The following TFEC variants were observed in gnomAD, a reference collection of about 807,000 sequenced individuals.
TFEC encodes the protein class E basic helix-loop-helix protein 34.
TFEC carries 31 observed loss-of-function variants against 41.6 expected under a neutral mutation model. The observed-to-expected ratio is 0.74, with a 90% CI of 0.56 to 1.01. TFEC has a LOEUF of 1.01. Among genes scored for constraint, TFEC ranks in the 50% least tolerant of loss-of-function variants. The probability of loss-of-function intolerance (pLI) is 0.00; values close to 1 mark genes in which losing one functional copy is unlikely to be tolerated. For synonymous variants in TFEC, 143 were observed against 140.6 expected, an observed-to-expected ratio of 1.02 and a Z score of -0.12; for missense variants, 402 against 404.1, an observed-to-expected ratio of 0.99 and a Z score of 0.04.
In TFEC at chr7:116,114,764, C is replaced by T. The variant is rs577199052; in HGVS notation, c.-68-2726G>A. On this transcript the variant is annotated intron_variant, in intron 1 of 8. Transcript: ENST00000484212. ...AAATGCAAGAGCGGTAAAAAATTATCAGAGGCTCCCTCGGTTGAGACTGAA... is the reference window on the plus strand; with the variant it reads ...AAATGCAAGAGCGGTAAAAAATTATTAGAGGCTCCCTCGGTTGAGACTGAA... 1.1e-4 allele frequency among the ~76,000 whole-genome samples: 16 copies of T among 152,008 alleles called. No individual in the cohort carries two copies. The South Asian group carries it at 3.3e-3, about 32-fold the overall frequency.
chr7:115,959,758 A>G (rs1267350484), intron 3 of TFEC, among the ~76,000 whole-genome samples: 1 of 151,694 alleles, frequency 6.6e-6, no homozygotes, highest in Non-Finnish European at 1.5e-5. Context: ...GAATAAACGA[A>G]TTGGTAAAAT....
chr7:115,966,871 C>T (rs972416332), intron 3 of TFEC, among the ~76,000 whole-genome samples: 1 of 151,832 alleles, frequency 6.6e-6, no homozygotes, highest in South Asian at 2.1e-4. Flanking sequence ...CAGCACTCCT[C>T]CTCAGGCCAG....
At chr7:116,003,562 C>T (rs1008671885) in intron 1 of TFEC, among the ~76,000 whole-genome samples, 5 of 151,944 alleles carry the variant, frequency 3.3e-5, no homozygotes, top group African/African-American at 1.2e-4. Context: ...TACACTTCTG[C>T]CAGAAATGAT....
chr7:116,015,506 G>C (rs1011443325), intron 1 of TFEC, among the ~76,000 whole-genome samples: 1 of 152,110 alleles, frequency 6.6e-6, no homozygotes, highest in Non-Finnish European at 1.5e-5. Flanking sequence ...TGACACACTT[G>C]AGGCTTTTAG....
chr7:116,134,406 A>G (rs1197388032), intron 1 of TFEC, among the ~76,000 whole-genome samples: 1 of 152,174 alleles, frequency 6.6e-6, no homozygotes, highest in Non-Finnish European at 1.5e-5. Context: ...TCAATTACAC[A>G]TTGTACACAA....
At chr7:115,988,007 A>G (rs944938141) in intron 1 of TFEC, among the ~76,000 whole-genome samples, 1 of 152,198 alleles carries the variant, frequency 6.6e-6, no homozygotes, top group Admixed American at 6.5e-5. Flanking sequence ...TAAGTAAATC[A>G]TATCTTTAGA....
upstream of TFEC, among the ~76,000 whole-genome samples, chr7:116,033,149 C>A (rs1006868656): frequency 1.3e-5 from 2 of 150,210 alleles, no homozygotes; most frequent in Non-Finnish European, 3.0e-5. Context: ...AAAAAAAAAT[C>A]TTTGTTTCTG....
At chr7:116,110,655 T>C (rs1246409971) in intron 3 of TFEC, 5 of 1,134,516 alleles carry the variant, frequency 4.4e-6, no homozygotes, top group African/African-American at 3.2e-5. Flanking sequence ...TTTTCAGAGG[T>C]AGTTACTATA....
intron 3 of TFEC, among the ~76,000 whole-genome samples, chr7:115,961,297 G>A (rs1792534585): frequency 6.6e-6 from 1 of 151,476 alleles, no homozygotes; most frequent in Non-Finnish European, 1.5e-5. Context: ...AAAATATTTT[G>A]AAATTTTAGA....
intron 1 of TFEC, among the ~76,000 whole-genome samples, chr7:116,147,767 G>A (rs140657590): frequency 2.7e-3 from 418 of 152,196 alleles, no homozygotes; most frequent in Non-Finnish European, 4.1e-3. Flanking sequence ...AGCTGTCAAC[G>A]TAGAATCTTA....
upstream of TFEC, among the ~76,000 whole-genome samples, chr7:116,032,813 C>A (rs1382367023): frequency 6.6e-6 from 1 of 152,096 alleles, no homozygotes; most frequent in African/African-American, 2.4e-5. Context: ...CAAACCTGCA[C>A]ATGTATCACT....
At chr7:116,053,945 C>G (rs978793282) in intron 3 of TFEC, among the ~76,000 whole-genome samples, 1 of 152,076 alleles carries the variant, frequency 6.6e-6, no homozygotes, top group Non-Finnish European at 1.5e-5. Context: ...ATTATTTATT[C>G]ATCATAATAA....
intron 3 of TFEC, among the ~76,000 whole-genome samples, chr7:116,066,149 G>T (rs1796690136): frequency 1.3e-5 from 2 of 152,222 alleles, no homozygotes; most frequent in South Asian, 4.2e-4. Context: ...TCCCTATTGA[G>T]GAGATGAATT....
intron 3 of TFEC, among the ~76,000 whole-genome samples, chr7:116,107,284 C>G (rs771275782): frequency 1.3e-5 from 2 of 152,120 alleles, no homozygotes; most frequent in African/African-American, 2.4e-5. Context: ...TCCCCTCCCT[C>G]TCTCCCTACA....
intron 3 of TFEC, among the ~76,000 whole-genome samples, chr7:115,969,157 G>A (rs1417976064): frequency 2.0e-5 from 3 of 151,812 alleles, no homozygotes; most frequent in African/African-American, 7.2e-5. Flanking sequence ...CTGAGCACCT[G>A]TGATGTGTTA....
At chr7:115,954,757 C>T in intron 4 of TFEC, 115 bp from the exon 5 acceptor site, 1 of 738,548 alleles carries the variant, frequency 1.4e-6, no homozygotes, top group Non-Finnish European at 2.1e-6. Flanking sequence ...CAAAACGGTA[C>T]AATAATATTT....
intron 3 of TFEC, among the ~76,000 whole-genome samples, chr7:116,036,574 G>C (rs1231816493): frequency 6.6e-6 from 1 of 152,014 alleles, no homozygotes; most frequent in Non-Finnish European, 1.5e-5. Flanking sequence ...CTTTACATTA[G>C]TGTTCCCATC....
intron 3 of TFEC, among the ~76,000 whole-genome samples, chr7:115,970,412 G>A (rs772930624): frequency 2.6e-5 from 4 of 151,968 alleles, no homozygotes; most frequent in Non-Finnish European, 4.4e-5. Context: ...AGGAGAGAAT[G>A]AGAGGGAAGG....
intron 3 of TFEC, among the ~76,000 whole-genome samples, chr7:116,102,492 G>A (rs1330936369): frequency 2.6e-5 from 4 of 152,142 alleles, no homozygotes; most frequent in African/African-American, 9.7e-5. Flanking sequence ...CAGAAATAAT[G>A]ATGACAAATA....
Sources: gnomAD v4.1 joint callset for allele counts (sites outside exome capture counted in the v4.1 genomes callset) on GRCh38, gnomAD v4.1.1 for gene constraint, MANE v1.5 for transcripts, NCBI Gene and HGNC (gene_info 2026-07-23, HGNC 2026-07-21) for gene names.